Variants in LINGO2 observed in about 807,000 individuals in gnomAD.
LINGO2 encodes the protein leucine rich repeat and Ig domain containing 2.
Under a neutral mutation model 30.6 loss-of-function variants are expected in LINGO2, and 14 were observed. The ratio of observed to expected loss-of-function variants is 0.46; its 90% confidence interval spans 0.30 to 0.72. The LOEUF is 0.72. LINGO2 is among the 30% of genes least tolerant of loss of function. The pLI is 0.07. For synonymous variants in LINGO2, 317 were observed against 288.5 expected, an observed-to-expected ratio of 1.10 and a Z score of -1.00; for missense variants, 729 against 751.7, an observed-to-expected ratio of 0.97 and a Z score of 0.35.
At chr9:28,964,209 G>A in the LINGO2 span, among the ~76,000 whole-genome samples, 11 of 151,864 alleles carry the variant, frequency 7.2e-5, no homozygotes, top group East Asian at 1.4e-3. Context: ...CAGTTCAGAA[G>A]TTATATGAAC....
intron 4 of LINGO2, among the ~76,000 whole-genome samples, chr9:28,251,688 G>C (rs968336135): frequency 1.9e-4 from 29 of 152,016 alleles, no homozygotes; most frequent in African/African-American, 7.0e-4. Context: ...TTTCTGAATT[G>C]GCAGAAAATT....
the LINGO2 span, among the ~76,000 whole-genome samples, chr9:29,099,389 C>T: frequency 6.6e-6 from 1 of 152,080 alleles, no homozygotes; most frequent in African/African-American, 2.4e-5. Flanking sequence ...AATGGGATCA[C>T]ATCAAGATAA....
rs548970201 is a variant in LINGO2, at chr9:28,470,423, T to C, written c.-279+5517A>G. Among the ~76,000 whole-genome samples the C allele has an allele frequency of 7.2e-5, 11 of 152,232 alleles. No homozygotes were observed. In the East Asian group the frequency reaches 2.1e-3, roughly 29 times the overall value. ...TCTCACACTGTTTGGAAACTAATAG[T>C]ACTGGAAATAAATCAACCATTACAT... On this transcript the variant is annotated intron_variant, in intron 2 of 5. Transcript: ENST00000379992.
intron 4 of LINGO2, among the ~76,000 whole-genome samples, chr9:28,100,292 T>C (rs1826371827): frequency 6.6e-6 from 1 of 152,136 alleles, no homozygotes; most frequent in Non-Finnish European, 1.5e-5. Flanking sequence ...AAAAATCTCT[T>C]ACAATGTGAG....
the LINGO2 span, among the ~76,000 whole-genome samples, chr9:29,148,711 C>T: frequency 6.6e-6 from 1 of 152,074 alleles, no homozygotes; most frequent in African/African-American, 2.4e-5. Flanking sequence ...AATACAGTGA[C>T]ATTCATTCTA....
intron 4 of LINGO2, among the ~76,000 whole-genome samples, chr9:28,140,698 A>G (rs1827647220): frequency 6.6e-6 from 1 of 152,142 alleles, no homozygotes; most frequent in Non-Finnish European, 1.5e-5. Flanking sequence ...GGATTTTCCC[A>G]TGGCATTTTG....
chr9:29,040,968 C>T, the LINGO2 span, among the ~76,000 whole-genome samples: 1 of 151,912 alleles, frequency 6.6e-6, no homozygotes, highest in Non-Finnish European at 1.5e-5. Flanking sequence ...TGTCCTAAGA[C>T]CTAAGCTCAG....
At chr9:28,598,418 C>CAAAAAAAAAAAAAAAAAAAAAAAAA in intron 1 of LINGO2, among the ~76,000 whole-genome samples, 1 of 109,096 alleles carries the variant, frequency 9.2e-6, no homozygotes, top group Non-Finnish European at 1.8e-5. Context: ...TTCTCCATAT[C>CAAAAAAAAAAAAAAAAAAAAAAAAA]AAAAAAAAAA....
At chr9:28,193,904 G>C (rs1315509256) in intron 4 of LINGO2, among the ~76,000 whole-genome samples, 1 of 152,190 alleles carries the variant, frequency 6.6e-6, no homozygotes, top group Non-Finnish European at 1.5e-5. Context: ...TTTACAGAGG[G>C]ACAGTCTCCA....
intron 5 of LINGO2, among the ~76,000 whole-genome samples, chr9:28,010,926 C>G (rs1371593120): frequency 1.3e-5 from 2 of 152,324 alleles, no homozygotes; most frequent in East Asian, 3.9e-4. Flanking sequence ...CCACTGCACT[C>G]CAGCCTGGGT....
At chr9:28,507,968 A>ATATT (rs2135348373) in intron 1 of LINGO2, among the ~76,000 whole-genome samples, 1 of 152,174 alleles carries the variant, frequency 6.6e-6, no homozygotes, top group Admixed American at 6.6e-5. Flanking sequence ...TTCTAATAAT[A>ATATT]TATTTTGTCA....
chr9:28,671,400 T>C (rs959880315), upstream of LINGO2, among the ~76,000 whole-genome samples: 16 of 151,418 alleles, frequency 1.1e-4, no homozygotes, highest in Admixed American at 9.9e-4. Context: ...CAGTGGCAGA[T>C]TGGATAAACA....
chr9:29,068,549 T>A, the LINGO2 span, among the ~76,000 whole-genome samples: 1 of 151,880 alleles, frequency 6.6e-6, no homozygotes, highest in Admixed American at 6.6e-5. Flanking sequence ...GCACCAAGGA[T>A]AAATACAAGC....
At chr9:28,819,389 C>T in the LINGO2 span, among the ~76,000 whole-genome samples, 1 of 152,156 alleles carries the variant, frequency 6.6e-6, no homozygotes, top group Non-Finnish European at 1.5e-5. Context: ...ATCTCTTCCT[C>T]TATGCATCCA....
the LINGO2 span, among the ~76,000 whole-genome samples, chr9:28,832,534 G>A: frequency 6.6e-6 from 1 of 152,084 alleles, no homozygotes; most frequent in African/African-American, 2.4e-5. Flanking sequence ...TCTCTGATCT[G>A]TTCTAGTGGG....
chr9:28,428,221 T>A (rs922315530), intron 2 of LINGO2, among the ~76,000 whole-genome samples: 3 of 152,116 alleles, frequency 2.0e-5, no homozygotes, highest in Non-Finnish European at 4.4e-5. Context: ...AAAACAGCCA[T>A]CTGTTTGGCT....
the LINGO2 span, among the ~76,000 whole-genome samples, chr9:28,901,175 A>C: frequency 1.2e-4 from 18 of 152,292 alleles, 1 homozygote; most frequent in African/African-American, 4.3e-4. Flanking sequence ...CATTCAAAGT[A>C]CTAATGAAAA....
At chr9:28,735,437 T>C in the LINGO2 span, among the ~76,000 whole-genome samples, 1 of 152,202 alleles carries the variant, frequency 6.6e-6, no homozygotes, top group African/African-American at 2.4e-5. Context: ...CAATTAGAAA[T>C]ATCCTTTCTC....
At chr9:29,082,600 G>T in the LINGO2 span, among the ~76,000 whole-genome samples, 2 of 152,174 alleles carry the variant, frequency 1.3e-5, no homozygotes, top group African/African-American at 4.8e-5. Flanking sequence ...TTAAACTAAG[G>T]AGCTTCTGCA....
Sources: allele counts gnomAD v4.1 joint callset (sites outside exome capture counted in the v4.1 genomes callset), GRCh38; gene constraint gnomAD v4.1.1; transcripts MANE v1.5; gene names NCBI Gene and HGNC (gene_info 2026-07-23, HGNC 2026-07-21).